The following PAX5 variants were observed in gnomAD, a reference collection of about 807,000 sequenced individuals.
PAX5 encodes paired box protein Pax-5.
In PAX5, 9 loss-of-function variants were observed where a neutral mutation model predicts 43.7. The ratio of observed to expected loss-of-function variants is 0.21; its 90% CI spans 0.12 to 0.36. The LOEUF is 0.36. Among genes scored for constraint, PAX5 ranks in the 10% least tolerant of loss-of-function variants. The pLI is 1.00. For synonymous variants in PAX5, 228 were observed against 214.3 expected, an observed-to-expected ratio of 1.06 and a Z score of -0.56; for missense variants, 383 against 532.7, an observed-to-expected ratio of 0.72 and a Z score of 2.77.
At chr9:36,885,376 C>T (rs1826823334) in intron 7 of PAX5, among the ~76,000 whole-genome samples, 1 of 152,114 alleles carries the variant, frequency 6.6e-6, no homozygotes. Flanking sequence ...AGCTGTGTGA[C>T]CTTGAGAGAG....
At chr9:36,853,326 A>C (rs150092385) in intron 8 of PAX5, among the ~76,000 whole-genome samples, 2 of 152,150 alleles carry the variant, frequency 1.3e-5, no homozygotes, top group African/African-American at 4.8e-5. Context: ...TGTGACCCAA[A>C]CCCCTACCAA....
intron 1 of PAX5, 58 bp from the exon 2 acceptor site, chr9:37,020,859 G>A (rs1839788552): frequency 6.3e-7 from 1 of 1,580,594 alleles, no homozygotes; most frequent in Admixed American, 1.7e-5. Context: ...AGTCACATAG[G>A]AGAAGCACCG....
intron 7 of PAX5, among the ~76,000 whole-genome samples, chr9:36,915,100 T>G (rs982324667): frequency 6.6e-6 from 1 of 152,246 alleles, no homozygotes; most frequent in African/African-American, 2.4e-5. Flanking sequence ...CCATTATAAA[T>G]AATTCTGCAA....
intron 6 of PAX5, among the ~76,000 whole-genome samples, chr9:36,947,755 C>T (rs1467725679): frequency 1.3e-5 from 2 of 151,644 alleles, no homozygotes; most frequent in Non-Finnish European, 2.9e-5. Context: ...AAACCATCAC[C>T]CCCACCCCCA....
At chr9:36,945,346 G>A (rs1832402558) in intron 6 of PAX5, among the ~76,000 whole-genome samples, 1 of 152,042 alleles carries the variant, frequency 6.6e-6, no homozygotes, top group African/African-American at 2.4e-5. Context: ...GACTCAATCA[G>A]TCCTCCTGCC....
rs951419199 is a variant in PAX5 at position 36,888,703 on chromosome 9, C to T, written c.911-6598G>A. On this transcript the variant is annotated intron_variant, in intron 7 of 9. Transcript: ENST00000358127. ...GGAGAGGGCAGGCTGGGCAGAGGCA[C>T]GCTATGGCTGACGCTGGTGGAAGAC... Among the ~76,000 whole-genome samples, 15 of 152,326 alleles carry T rather than the reference C, an allele frequency of 9.8e-5. No homozygotes were observed. The South Asian group carries it at 2.1e-3, about 21-fold the overall frequency.
chr9:36,989,601 G>A (rs1385648730), intron 5 of PAX5, among the ~76,000 whole-genome samples: 1 of 152,200 alleles, frequency 6.6e-6, no homozygotes, highest in East Asian at 1.9e-4. Flanking sequence ...GGTATGGCAG[G>A]CAGAAAGAGG....
At chr9:36,935,312 G>A (rs776417873) in intron 6 of PAX5, among the ~76,000 whole-genome samples, 14 of 152,152 alleles carry the variant, frequency 9.2e-5, no homozygotes, top group African/African-American at 1.4e-4. Flanking sequence ...CCCGGGGGGC[G>A]GAGGTTGCAG....
intron 7 of PAX5, among the ~76,000 whole-genome samples, chr9:36,911,546 T>C (rs1347809780): frequency 1.3e-5 from 2 of 152,242 alleles, no homozygotes; most frequent in Non-Finnish European, 2.9e-5. Flanking sequence ...CAGGGTATCA[T>C]CCTGCACTGT....
At position 36,836,751 on chromosome 9, in the gene PAX5, C is replaced by T. The variant is rs1281834578; in HGVS notation, c.*3809G>A. ...ACTCCTGCATACTGTCACAGCCAGG[C>T]CTGGAGCCTGTTCCAAAGTGCGAAG... On this transcript the variant is annotated 3_prime_UTR_variant, in exon 10 of 10. Transcript: ENST00000358127. 1 of 232,060 alleles carries T rather than the reference C, an allele frequency of 4.3e-6. No individual in the cohort carries two copies. Among genetic ancestry groups the T allele is most frequent in the Non-Finnish European group, 8.5e-6 (1 of 117,418 alleles). 14.4% of individuals were successfully genotyped at this position (232,060 alleles called of 1,614,324 possible). A position where few individuals can be genotyped will look rare whatever the true frequency, so the allele number is the denominator to read the frequency against.
At chr9:36,868,155 G>A (rs933687217) in intron 8 of PAX5, among the ~76,000 whole-genome samples, 3 of 152,268 alleles carry the variant, frequency 2.0e-5, no homozygotes, top group Non-Finnish European at 4.4e-5. Context: ...CTAGAAGCCA[G>A]AGCAAATATT....
chr9:36,842,020 G>A (rs79032695), intron 9 of PAX5, among the ~76,000 whole-genome samples: 4,767 of 152,194 alleles, frequency 0.031, 254 homozygotes, highest in African/African-American at 0.11. Flanking sequence ...CTGATGAGCC[G>A]ATGTGCTGCT....
Position 37,034,093 on chromosome 9 carries a change from T to TTTTTG in PAX5, c.-63_-62insCAAAA. 1 of 828,178 alleles carries TTTTTG rather than the reference T, an allele frequency of 1.2e-6. No individual in the cohort carries two copies. Among genetic ancestry groups the TTTTTG allele is most frequent in the Non-Finnish European group, 1.9e-6 (1 of 532,836 alleles). 51.3% of individuals were successfully genotyped at this position (828,178 alleles called of 1,614,324 possible). On this transcript the variant is annotated 5_prime_UTR_variant, in exon 1 of 10. Transcript: ENST00000358127. ...AAGTTTCCACTTTTTTGTGCCTTTTTTTTTCTTTTTTTTTTTTTTTTTTTT... is the reference window on the plus strand; with the variant it reads ...AAGTTTCCACTTTTTTGTGCCTTTTTTTTTGTTTTCTTTTTTTTTTTTTTTTTTTT...
chr9:36,970,902 C>T (rs1044237872), intron 5 of PAX5, among the ~76,000 whole-genome samples: 9 of 152,158 alleles, frequency 5.9e-5, no homozygotes, highest in Non-Finnish European at 1.2e-4. Flanking sequence ...GAGCTACCTT[C>T]GGGGTAAAGG....
chr9:36,933,066 C>T (rs1291079047), intron 6 of PAX5, among the ~76,000 whole-genome samples: 3 of 151,498 alleles, frequency 2.0e-5, no homozygotes, highest in Admixed American at 1.3e-4. Flanking sequence ...ATTGCTTGAA[C>T]CCCAGAGGCG....
At chr9:37,024,700 G>A (rs922003433) in intron 1 of PAX5, among the ~76,000 whole-genome samples, 2 of 152,226 alleles carry the variant, frequency 1.3e-5, no homozygotes, top group African/African-American at 2.4e-5. Flanking sequence ...CACGGAGGGG[G>A]CGATTGAAGG....
At chr9:36,846,017 A>T (rs1822541347) in intron 9 of PAX5, among the ~76,000 whole-genome samples, 1 of 152,112 alleles carries the variant, frequency 6.6e-6, no homozygotes, top group Admixed American at 6.5e-5. Flanking sequence ...TGCTATCTGC[A>T]GGCTGATTGG....
intron 1 of PAX5, among the ~76,000 whole-genome samples, chr9:37,024,949 C>A (rs1206981685): frequency 6.6e-6 from 1 of 152,220 alleles, no homozygotes; most frequent in Non-Finnish European, 1.5e-5. Flanking sequence ...CACAGTTGCT[C>A]CTTGGCTGAG....
At chr9:37,001,891 A>G (rs1242585419) in intron 5 of PAX5, among the ~76,000 whole-genome samples, 1 of 131,456 alleles carries the variant, frequency 7.6e-6, no homozygotes, top group African/African-American at 2.9e-5. Flanking sequence ...TCTCAAACCC[A>G]TTAATGTCAG....
Sources: gnomAD v4.1 joint callset for allele counts (sites outside exome capture counted in the v4.1 genomes callset) on GRCh38, gnomAD v4.1.1 for gene constraint, MANE v1.5 for transcripts, NCBI Gene and HGNC (gene_info 2026-07-23, HGNC 2026-07-21) for gene names.